The following MAGOHB variants were observed in gnomAD, a reference collection of about 807,000 sequenced individuals.
MAGOHB encodes the protein mago homolog B, exon junction complex subunit.
MAGOHB carries 15 observed loss-of-function variants against 20.9 expected under a neutral mutation model. That is an observed-to-expected ratio of 0.72 (90% CI 0.48 to 1.11). MAGOHB has a LOEUF of 1.11. Among genes scored for constraint, MAGOHB ranks in the 50% least tolerant of loss-of-function variants. The pLI, the probability that MAGOHB is intolerant of heterozygous loss-of-function variation, is 0.00. For synonymous variants in MAGOHB, 50 were observed against 57.9 expected (o/e 0.86, Z 0.62); for missense variants, 162 against 177.6 (o/e 0.91, Z 0.50).
At chr12:10,607,830 G>A (rs776516903) in intron 4 of MAGOHB, 24 bp downstream of exon 4, 84 of 1,399,544 alleles carry the variant, frequency 6.0e-5, no homozygotes, top group Non-Finnish European at 8.4e-5. Context: ...TGAAAACTTC[G>A]CCAAAATGCT....
At position 10,606,136 on chromosome 12, in the gene MAGOHB, C is replaced by T. The variant is rs914617267; in HGVS notation, c.*139G>A. ...CAAGTAAGGATAACCATTAAGCTTG[C>T]TAATGTATTTTCTTATTTTCAGTTT... On this transcript the variant is annotated 3_prime_UTR_variant, in exon 5 of 5. Transcript: ENST00000320756. 4 of 540,862 alleles carry T rather than the reference C, an allele frequency of 7.4e-6. No homozygotes were observed. Among genetic ancestry groups the T allele is most frequent in the Non-Finnish European group, 1.3e-5 (4 of 303,948 alleles). 33.5% of individuals were successfully genotyped at this position (540,862 alleles called of 1,614,324 possible).
chr12:10,611,618 C>T (rs1188976331), intron 1 of MAGOHB, among the ~76,000 whole-genome samples: 1 of 151,550 alleles, frequency 6.6e-6, no homozygotes, highest in African/African-American at 2.4e-5. Flanking sequence ...CATGGTGGCC[C>T]ATGCCTGCAA....
downstream of MAGOHB, among the ~76,000 whole-genome samples, chr12:10,603,127 C>A (rs1865568695): frequency 6.6e-6 from 1 of 151,838 alleles, no homozygotes; most frequent in Non-Finnish European, 1.5e-5. Flanking sequence ...CTGGCTAACA[C>A]GGTGAAACTC....
At chr12:10,608,162 G>A (rs1266014204) in intron 3 of MAGOHB, 2 of 353,242 alleles carry the variant, frequency 5.7e-6, no homozygotes, top group Admixed American at 4.9e-5. Flanking sequence ...ACAAAGAATT[G>A]CTTTCCAGAG....
chr12:10,599,899 G>A (rs543783959), downstream of MAGOHB, among the ~76,000 whole-genome samples: 28 of 152,088 alleles, frequency 1.8e-4, 1 homozygote, highest in African/African-American at 5.5e-4. Context: ...AAAAACTAAC[G>A]TACTTTAGAG....
intron 1 of MAGOHB, chr12:10,612,692 A>C (rs1045109190): frequency 4.3e-6 from 5 of 1,156,164 alleles, no homozygotes; most frequent in Admixed American, 7.8e-5. Context: ...ATTCAAAAAA[A>C]CCCAAAAAAT....
At chr12:10,612,629 C>A in intron 1 of MAGOHB, 3 of 1,102,868 alleles carry the variant, frequency 2.7e-6, no homozygotes, top group Non-Finnish European at 3.4e-6. Flanking sequence ...TTGTCTTACT[C>A]ATTACTGTAC....
At chr12:10,613,021 A>T (rs1865777036) in intron 1 of MAGOHB, 7 of 1,114,348 alleles carry the variant, frequency 6.3e-6, no homozygotes, top group Non-Finnish European at 8.4e-6. Flanking sequence ...ACATATTATT[A>T]TTCTCATTTG....
In MAGOHB at chr12:10,613,451, A is replaced by G. The variant is rs1343306019; in HGVS notation, c.82T>C (p.Phe28Leu). 3 of 1,614,090 alleles carry G rather than the reference A, an allele frequency of 1.9e-6. No individual in the cohort carries two copies. Among genetic ancestry groups the G allele is most frequent in the East Asian group, 4.5e-5 (2 of 44,878 alleles). Reference sequence around the variant, plus strand: ...GGCCTCTTCTCACCGTCCGGCCGAAATTCGAACTCCAGAAACTCGTGCCCA... The same window carrying G: ...GGCCTCTTCTCACCGTCCGGCCGAAGTTCGAACTCCAGAAACTCGTGCCCA... ...KFGHEFLEFEFRPDGKLRYAN... is the reference protein window; with the variant it reads ...KFGHEFLEFELRPDGKLRYAN... The change falls in exon 1 of 5, where the codon TTT (phenylalanine) becomes CTT (leucine). Residue 28 changes from phenylalanine (F) to leucine (L), a missense_variant. By Grantham distance (22) the Phe-to-Leu change is conservative. Coordinates refer to ENST00000320756, the MANE Select transcript of MAGOHB (RefSeq NM_018048.5).
At chr12:10,611,487 C>T (rs928091649) in intron 1 of MAGOHB, among the ~76,000 whole-genome samples, 2 of 151,978 alleles carry the variant, frequency 1.3e-5, no homozygotes, top group Non-Finnish European at 2.9e-5. Context: ...TGGCTCATGC[C>T]TGTAATCCCA....
chr12:10,606,561 TTCA>T (rs1191446248), intron 4 of MAGOHB, among the ~76,000 whole-genome samples, 187 bp from the exon 5 acceptor site: 1 of 152,080 alleles, frequency 6.6e-6, no homozygotes, highest in African/African-American at 2.4e-5. Flanking sequence ...AAATAGTTTC[TTCA>T]TCAGTATTCA....
At chr12:10,603,208 G>T (rs1280504314), downstream of MAGOHB, among the ~76,000 whole-genome samples, 2 of 151,770 alleles carry the variant, frequency 1.3e-5, no homozygotes, top group Non-Finnish European at 2.9e-5. Context: ...CAGCTACTCC[G>T]GAGGCTGAGG....
Position 10,613,541 on chromosome 12 carries a change from C to G in MAGOHB, c.-9G>C, listed in dbSNP as rs377340743. 6 of 1,603,712 alleles carry G rather than the reference C, an allele frequency of 3.7e-6. No homozygotes were observed. In the Admixed American group the frequency reaches 6.7e-5, roughly 18 times the overall value. On this transcript the variant is annotated 5_prime_UTR_variant, in exon 1 of 5. Coordinates refer to ENST00000320756, the MANE Select transcript of MAGOHB (RefSeq NM_018048.5). The stretch of plus-strand genomic sequence containing the variant: ...TCGCTAGCCACAGCCATTTTTGTAC[C>G]CGGGAAGCCCGCCGAAAACGCAGCC...
At chr12:10,608,210 A>G (rs1865663853) in intron 3 of MAGOHB, 2 of 251,384 alleles carry the variant, frequency 8.0e-6, no homozygotes, top group Non-Finnish European at 1.5e-5. Context: ...TGACAAAGAA[A>G]TATTTCTTAC....
downstream of MAGOHB, among the ~76,000 whole-genome samples, chr12:10,601,280 T>C (rs1324847867): frequency 3.7e-5 from 2 of 53,970 alleles, no homozygotes; most frequent in African/African-American, 5.9e-5. Context: ...CCTCCCAACA[T>C]TGACAAGTAT....
downstream of MAGOHB, among the ~76,000 whole-genome samples, chr12:10,603,329 A>C (rs983738370): frequency 7.9e-5 from 12 of 151,638 alleles, no homozygotes; most frequent in East Asian, 2.3e-3. Flanking sequence ...AAAAAAAAAA[A>C]AAAAAAATCT....
chr12:10,610,802 CCTT>C, intron 1 of MAGOHB, 122 bp from the exon 2 acceptor site: 1 of 933,984 alleles, frequency 1.1e-6, no homozygotes. Flanking sequence ...TTTCCTCCCT[CCTT>C]GTGTAAGATC....
At position 10,610,702 on chromosome 12, in the gene MAGOHB, CAATT is replaced by C. The variant is rs777294339; in HGVS notation, c.95-26_95-23del. ...TTTCCTGTGGGAAGTGGAAAAAAAT[CAATT>C]TATAATAGCAAAAACTGCTAAAAAA... On this transcript the variant is annotated intron_variant, in intron 1 of 4. Transcript: ENST00000320756. 5.2e-6 allele frequency: 8 copies of C among 1,540,724 alleles called. No homozygotes were observed. The African/African-American group carries it at 9.9e-5, about 19-fold the overall frequency.
downstream of MAGOHB, among the ~76,000 whole-genome samples, chr12:10,603,679 GC>G (rs1321437244): frequency 1.3e-5 from 2 of 152,184 alleles, no homozygotes; most frequent in East Asian, 3.9e-4. Flanking sequence ...CAAGGTAGAT[GC>G]CAGAGATTTT....
Sources: gnomAD v4.1 joint callset for allele counts (sites outside exome capture counted in the v4.1 genomes callset) on GRCh38, gnomAD v4.1.1 for gene constraint, MANE v1.5 for transcripts, NCBI Gene and HGNC (gene_info 2026-07-23, HGNC 2026-07-21) for gene names.